CSMD3: variants seen among roughly 807,000 people sequenced by gnomAD.
CSMD3 encodes the protein CUB and sushi domain-containing protein 3.
Under a neutral mutation model 435.2 loss-of-function variants are expected in CSMD3, and 177 were observed. That is an observed-to-expected ratio of 0.41 (90% CI 0.36 to 0.46). The LOEUF (loss-of-function observed/expected upper bound fraction) is 0.46, where lower values mean the gene tolerates loss of function less well. Among genes scored for constraint, CSMD3 ranks in the 20% least tolerant of loss-of-function variants. The probability of loss-of-function intolerance (pLI) is 0.34; values close to 1 mark genes in which losing one functional copy is unlikely to be tolerated. For missense variants in CSMD3, 4,265 were observed against 4,504.6 expected, an observed-to-expected ratio of 0.95 and a Z score of 1.52; for synonymous variants, 1,656 against 1,520.5, an observed-to-expected ratio of 1.09 and a Z score of -2.07.
At chr8:113,057,565 A>G (rs2088400327) in intron 5 of CSMD3, among the ~76,000 whole-genome samples, 1 of 152,072 alleles carries the variant, frequency 6.6e-6, no homozygotes, top group African/African-American at 2.4e-5. Flanking sequence ...TTTTGGCCAT[A>G]TTATTATCAC....
At chr8:112,676,191 G>A (rs952974402) in intron 16 of CSMD3, among the ~76,000 whole-genome samples, 1 of 152,058 alleles carries the variant, frequency 6.6e-6, no homozygotes, top group African/African-American at 2.4e-5. Flanking sequence ...GAACATATAA[G>A]TCTACATTTC....
intron 1 of CSMD3, among the ~76,000 whole-genome samples, chr8:113,348,865 CT>C (rs1041375959): frequency 9.9e-5 from 15 of 151,856 alleles, no homozygotes; most frequent in African/African-American, 3.6e-4. Flanking sequence ...CATTTTAGAC[CT>C]TTACACAATA....
intron 1 of CSMD3, among the ~76,000 whole-genome samples, chr8:113,392,642 A>G (rs2094465779): frequency 6.6e-6 from 1 of 152,100 alleles, no homozygotes; most frequent in Non-Finnish European, 1.5e-5. Flanking sequence ...TAATATGGAT[A>G]TTAGATTCTC....
chr8:113,271,957 G>A (rs1042675608), intron 3 of CSMD3, among the ~76,000 whole-genome samples: 2 of 152,092 alleles, frequency 1.3e-5, no homozygotes, highest in East Asian at 1.9e-4. Context: ...GGAGTCAAAC[G>A]AGATCATTTT....
intron 2 of CSMD3, among the ~76,000 whole-genome samples, chr8:113,302,540 C>A (rs1219062077): frequency 6.6e-6 from 1 of 151,232 alleles, no homozygotes; most frequent in Admixed American, 6.6e-5. Flanking sequence ...TTTACGAGCT[C>A]ATATTAATTA....
chr8:112,343,867 G>T (rs1198594279), intron 41 of CSMD3, among the ~76,000 whole-genome samples: 8 of 151,394 alleles, frequency 5.3e-5, no homozygotes, highest in Admixed American at 2.6e-4. Flanking sequence ...CAGGCTGGTT[G>T]ATTATTTATT....
At chr8:113,220,327 G>A (rs1425231872) in intron 3 of CSMD3, among the ~76,000 whole-genome samples, 1 of 151,312 alleles carries the variant, frequency 6.6e-6, no homozygotes, top group Non-Finnish European at 1.5e-5. Context: ...AACTAGGACA[G>A]GCCAGGAATA....
rs538605328 is a variant in CSMD3 at position 112,729,468 on chromosome 8, C to T, written c.1973-39418G>A. On this transcript the variant is annotated intron_variant, in intron 13 of 70. Coordinates refer to ENST00000297405, the MANE Select transcript of CSMD3 (RefSeq NM_198123.2). ...TGTAAAAGAAAGTATAAAATAATAG[C>T]GTTAAAAAGTGAAACAAAGATTTTT... 5.3e-5 allele frequency among the ~76,000 whole-genome samples: 8 copies of T among 152,100 alleles called. No individual in the cohort carries two copies. In the South Asian group the frequency reaches 1.7e-3, roughly 32 times the overall value.
chr8:112,435,745 T>TAACTTAAAAAAG (rs1814260214), intron 32 of CSMD3, among the ~76,000 whole-genome samples: 1 of 152,056 alleles, frequency 6.6e-6, no homozygotes. Flanking sequence ...ACTTAAAAAA[T>TAACTTAAAAAAG]GATTTACGTC....
chr8:113,051,524 G>C (rs2088093481), intron 5 of CSMD3, among the ~76,000 whole-genome samples: 1 of 151,950 alleles, frequency 6.6e-6, no homozygotes. Context: ...CTTTGAATTT[G>C]TTTCAGTTAC....
chr8:112,804,947 A>AT (rs2079049058), intron 12 of CSMD3, among the ~76,000 whole-genome samples: 1 of 151,864 alleles, frequency 6.6e-6, no homozygotes, highest in Non-Finnish European at 1.5e-5. Flanking sequence ...CCAGGTGTGC[A>AT]TTTTCTAGTA....
At chr8:112,966,795 A>C (rs1388861410) in intron 7 of CSMD3, among the ~76,000 whole-genome samples, 1 of 151,918 alleles carries the variant, frequency 6.6e-6, no homozygotes, top group Non-Finnish European at 1.5e-5. Flanking sequence ...ACATTGATTC[A>C]GAAAATCCAT....
chr8:112,827,189 AT>A (rs2079718865), intron 12 of CSMD3, among the ~76,000 whole-genome samples: 1 of 127,622 alleles, frequency 7.8e-6, no homozygotes, highest in Non-Finnish European at 1.6e-5. Context: ...ATATATATAT[AT>A]ATATATATAT....
At chr8:113,202,968 G>A (rs1241671657) in intron 3 of CSMD3, among the ~76,000 whole-genome samples, 1 of 152,074 alleles carries the variant, frequency 6.6e-6, no homozygotes, top group African/African-American at 2.4e-5. Context: ...TGGAATTACA[G>A]AAGAATAAGA....
At chr8:112,350,695 C>T (rs996949094) in intron 40 of CSMD3, among the ~76,000 whole-genome samples, 6 of 152,070 alleles carry the variant, frequency 3.9e-5, no homozygotes, top group African/African-American at 1.2e-4. Context: ...AAATGTGCAC[C>T]TGTACTTTCA....
At chr8:112,470,002 A>C (rs1341474772) in intron 32 of CSMD3, among the ~76,000 whole-genome samples, 1 of 152,156 alleles carries the variant, frequency 6.6e-6, no homozygotes, top group Non-Finnish European at 1.5e-5. Context: ...GAGGAAGCAG[A>C]AGCAAAATAG....
At chr8:112,937,018 T>C (rs959405627) in intron 9 of CSMD3, among the ~76,000 whole-genome samples, 5 of 152,132 alleles carry the variant, frequency 3.3e-5, no homozygotes, top group African/African-American at 7.2e-5. Context: ...GAAGGTAAAG[T>C]AGACAATCTA....
chr8:112,361,555 GTA>G (rs1444321339), intron 38 of CSMD3, among the ~76,000 whole-genome samples: 1 of 105,880 alleles, frequency 9.4e-6, no homozygotes, highest in South Asian at 3.1e-4. Context: ...AAGTGTGTAT[GTA>G]TATATATACA....
intron 7 of CSMD3, among the ~76,000 whole-genome samples, chr8:112,964,206 T>C (rs1461995641): frequency 6.6e-6 from 1 of 151,962 alleles, no homozygotes; most frequent in African/African-American, 2.4e-5. Flanking sequence ...CATTTGACTC[T>C]AAAACTTCAA....
Sources: gnomAD v4.1 joint callset for allele counts (sites outside exome capture counted in the v4.1 genomes callset) on GRCh38, gnomAD v4.1.1 for gene constraint, MANE v1.5 for transcripts, NCBI Gene and HGNC (gene_info 2026-07-23, HGNC 2026-07-21) for gene names.